Variants in CTXND2 observed in about 807,000 individuals in gnomAD.
CTXND2 encodes cortexin domain containing 2.
chr1:150,900,720 A>G (rs587686546), intron 1 of CTXND2, among the ~76,000 whole-genome samples: 120 of 152,334 alleles, frequency 7.9e-4, no homozygotes, highest in African/African-American at 2.8e-3. Context: ...TGAAGGGGTA[A>G]TATCCCTAGT....
At chr1:150,893,332 A>T (rs2102594578) in intron 1 of CTXND2, among the ~76,000 whole-genome samples, 1 of 152,000 alleles carries the variant, frequency 6.6e-6, no homozygotes, top group African/African-American at 2.4e-5. Context: ...ATCTTATCTT[A>T]CTGCACTGGC....
At chr1:150,902,186 G>A (rs587658532) in intron 1 of CTXND2, among the ~76,000 whole-genome samples, 9 of 152,200 alleles carry the variant, frequency 5.9e-5, no homozygotes, top group Admixed American at 3.9e-4. Flanking sequence ...CAGATCACAA[G>A]GTCAGGATAT....
chr1:150,900,605 T>G (rs1452684551), intron 1 of CTXND2, among the ~76,000 whole-genome samples: 1 of 151,874 alleles, frequency 6.6e-6, no homozygotes, highest in Non-Finnish European at 1.5e-5. Flanking sequence ...CTGAGATTGC[T>G]CCACTGCATT....
At chr1:150,892,823 G>C (rs587637806) in intron 1 of CTXND2, among the ~76,000 whole-genome samples, 4 of 152,188 alleles carry the variant, frequency 2.6e-5, no homozygotes, top group African/African-American at 9.6e-5. Context: ...ACGGGCATGA[G>C]CCACCATGCC....
At chr1:150,906,848 G>A (rs1669154696) in intron 1 of CTXND2, among the ~76,000 whole-genome samples, 1 of 152,168 alleles carries the variant, frequency 6.6e-6, no homozygotes, top group African/African-American at 2.4e-5. Context: ...CGTGAGTTTA[G>A]GTTGGGAGAA....
intron 1 of CTXND2, 31 bp from the exon 2 acceptor site, chr1:150,912,211 C>T (rs908282319): frequency 1.0e-5 from 4 of 397,398 alleles, no homozygotes; most frequent in Non-Finnish European, 1.8e-5. Context: ...ACACACAAAC[C>T]GATAAGCCTG....
intron 1 of CTXND2, among the ~76,000 whole-genome samples, chr1:150,898,164 T>TTG (rs397788935): frequency 8.6e-4 from 130 of 151,840 alleles, no homozygotes; most frequent in Admixed American, 2.1e-3. Flanking sequence ...TTTTTTTTTT[T>TTG]GTCTTTCTAG....
At position 150,902,289 on chromosome 1, in the gene CTXND2, C is replaced by A. The variant is rs587733050; in HGVS notation, c.-73-9953C>A. Among the ~76,000 whole-genome samples the A allele has an allele frequency of 2.0e-5, 3 of 152,062 alleles. No homozygotes were observed. The South Asian group carries it at 6.2e-4, about 32-fold the overall frequency. On this transcript the variant is annotated intron_variant, in intron 1 of 1. Coordinates refer to ENST00000636087, the Ensembl canonical transcript of CTXND2. ...AGGCGTGGTGGTGGGTGCCTGTAGTCCCAGCTACTCGGGAGGCTGAAGCAG... is the reference window on the plus strand; with the variant it reads ...AGGCGTGGTGGTGGGTGCCTGTAGTACCAGCTACTCGGGAGGCTGAAGCAG...
At chr1:150,898,921 C>CAAAAA (rs750129735) in intron 1 of CTXND2, among the ~76,000 whole-genome samples, 2 of 126,124 alleles carry the variant, frequency 1.6e-5, no homozygotes, top group Non-Finnish European at 1.7e-5. Flanking sequence ...ACTAAAAATA[C>CAAAAA]AAAAAAAAAA....
At chr1:150,911,728 C>T (rs959681770) in intron 1 of CTXND2, among the ~76,000 whole-genome samples, 6 of 152,036 alleles carry the variant, frequency 3.9e-5, no homozygotes, top group African/African-American at 9.7e-5. Context: ...CCACCATGCC[C>T]GGCCTGTAAG....
intron 1 of CTXND2, among the ~76,000 whole-genome samples, chr1:150,908,955 G>C (rs1358705455): frequency 1.3e-5 from 2 of 151,252 alleles, no homozygotes; most frequent in African/African-American, 4.9e-5. Flanking sequence ...AAGTACAAAA[G>C]TTGGCTGGGC....
intron 1 of CTXND2, among the ~76,000 whole-genome samples, chr1:150,902,752 A>G (rs983032452): frequency 3.3e-5 from 5 of 152,122 alleles, no homozygotes; most frequent in African/African-American, 1.2e-4. Flanking sequence ...AAACTCTTAA[A>G]GTGGAATATA....
intron 1 of CTXND2, among the ~76,000 whole-genome samples, chr1:150,898,145 G>C (rs1342980912): frequency 2.2e-5 from 3 of 138,242 alleles, no homozygotes; most frequent in Non-Finnish European, 4.7e-5. Flanking sequence ...TAGCACTATA[G>C]ATGTGGGGTT....
At chr1:150,895,556 C>G (rs1176973971) in intron 1 of CTXND2, among the ~76,000 whole-genome samples, 2 of 152,082 alleles carry the variant, frequency 1.3e-5, no homozygotes, top group East Asian at 3.9e-4. Flanking sequence ...GTTGACTAGG[C>G]TGGTCTTGAA....
intron 1 of CTXND2, among the ~76,000 whole-genome samples, chr1:150,893,433 G>T (rs990255952): frequency 1.3e-5 from 2 of 151,826 alleles, no homozygotes; most frequent in African/African-American, 4.8e-5. Flanking sequence ...TTCAACTGTT[G>T]CCCATTAAGT....
intron 1 of CTXND2, among the ~76,000 whole-genome samples, chr1:150,910,941 A>G (rs773218612): frequency 6.6e-6 from 1 of 152,050 alleles, no homozygotes; most frequent in Non-Finnish European, 1.5e-5. Context: ...AGTAGCTGGT[A>G]CTACAGGTGC....
intron 1 of CTXND2, among the ~76,000 whole-genome samples, chr1:150,907,733 G>T (rs1314410510): frequency 2.2e-5 from 3 of 137,084 alleles, no homozygotes; most frequent in Non-Finnish European, 4.6e-5. Flanking sequence ...TTTTTGAGAC[G>T]GAGTCTCGCA....
intron 1 of CTXND2, among the ~76,000 whole-genome samples, chr1:150,888,793 C>T (rs1405427956): frequency 1.3e-5 from 2 of 151,886 alleles, no homozygotes; most frequent in Non-Finnish European, 2.9e-5. Context: ...TGGGCTCAAT[C>T]GATCCTCTCA....
chr1:150,901,726 A>G (rs587714636), intron 1 of CTXND2, among the ~76,000 whole-genome samples: 4 of 151,156 alleles, frequency 2.6e-5, no homozygotes, highest in Admixed American at 6.6e-5. Flanking sequence ...CATCCTGGCT[A>G]ACACAGTGAA....
Sources: gnomAD v4.1 joint callset for allele counts (sites outside exome capture counted in the v4.1 genomes callset) on GRCh38, gnomAD v4.1.1 for gene constraint, MANE v1.5 for transcripts, NCBI Gene and HGNC (gene_info 2026-07-23, HGNC 2026-07-21) for gene names.